The following ARHGEF7 variants were observed in gnomAD, a reference collection of about 807,000 sequenced individuals.
The protein encoded by ARHGEF7 is PAK-interacting exchange factor beta.
Under a neutral mutation model 109.8 loss-of-function variants are expected in ARHGEF7, and 33 were observed. The observed-to-expected ratio is 0.30, with a 90% CI of 0.23 to 0.40. The LOEUF is 0.40. ARHGEF7 is among the 10% of genes least tolerant of loss of function. The probability of loss-of-function intolerance (pLI) is 1.00; values close to 1 mark genes in which losing one functional copy is unlikely to be tolerated. For synonymous variants in ARHGEF7, 458 were observed against 424.6 expected, an observed-to-expected ratio of 1.08 and a Z score of -0.97; for missense variants, 938 against 1,098.5, an observed-to-expected ratio of 0.85 and a Z score of 2.07.
At position 111,244,225 on chromosome 13, in the gene ARHGEF7, T is replaced by G; in HGVS notation, c.881T>G (p.Leu294Ter). Residue 294 changes from leucine (L) to a stop codon, truncating the protein, a stop_gained, in exon 8 of 22, where the codon TTA becomes TGA. Transcript: ENST00000646102. LOFTEE classifies it high-confidence loss of function. ...EKLSSANISY[L>*]MGNLEEICSF... ...TTAAGTTCAGCAAACATTTCATATTTAATGGGAAATCTAGAAGAAATATGT... is the reference window on the plus strand; with the variant it reads ...TTAAGTTCAGCAAACATTTCATATTGAATGGGAAATCTAGAAGAAATATGT... 1 of 1,609,122 alleles carries G rather than the reference T, an allele frequency of 6.2e-7. No homozygotes were observed.
rs73622165 is a variant in ARHGEF7 at position 111,273,363 on chromosome 13, C to G, written c.1074-451C>G. Among the ~76,000 whole-genome samples the G allele has an allele frequency of 9.2e-3, 1,399 of 152,364 alleles. 21 individuals are homozygous for G. Among genetic ancestry groups the G allele is most frequent in the African/African-American group, 0.032 (1,339 of 41,592 alleles). On this transcript the variant is annotated intron_variant, in intron 9 of 21. Transcript: ENST00000646102. This position sits in a 1 kb window ranked among gnomAD's most constrained non-coding sequence, Gnocchi z 4.5. ...GCAGCACATAGGTGGGGCCTGCTCGCTGGACGAACTCGCATCTGGGGATGA... is the reference window on the plus strand; with the variant it reads ...GCAGCACATAGGTGGGGCCTGCTCGGTGGACGAACTCGCATCTGGGGATGA...
intron 8 of ARHGEF7, among the ~76,000 whole-genome samples, chr13:111,246,166 G>A (rs2088810507): frequency 6.6e-6 from 1 of 152,212 alleles, no homozygotes; most frequent in African/African-American, 2.4e-5. Context: ...TAGAACAGTA[G>A]TGCACATGGA....
At chr13:111,294,248 C>T (rs1238011255) in intron 19 of ARHGEF7, 8 of 985,242 alleles carry the variant, frequency 8.1e-6, no homozygotes, top group African/African-American at 5.2e-5. Flanking sequence ...GTATTACATA[C>T]GGTAGTCCTC....
chr13:111,287,327 C>T (rs2093062189), intron 17 of ARHGEF7, among the ~76,000 whole-genome samples: 2 of 152,212 alleles, frequency 1.3e-5, no homozygotes, highest in South Asian at 4.1e-4. Flanking sequence ...GCCGGGGCTT[C>T]TCTCTGAGAG....
At chr13:111,226,713 A>G (rs1454058468) in intron 5 of ARHGEF7, among the ~76,000 whole-genome samples, 1 of 152,264 alleles carries the variant, frequency 6.6e-6, no homozygotes, top group African/African-American at 2.4e-5. Context: ...CTAACACAGC[A>G]TCCATACTGC....
intron 19 of ARHGEF7, among the ~76,000 whole-genome samples, chr13:111,298,751 CCT>C (rs1381564719): frequency 1.3e-5 from 2 of 152,190 alleles, no homozygotes; most frequent in Non-Finnish European, 2.9e-5. Context: ...GGAGCTGGGC[CCT>C]CTCCTTCACT....
chr13:111,197,088 T>G (rs1223311710), intron 2 of ARHGEF7, among the ~76,000 whole-genome samples: 1 of 152,214 alleles, frequency 6.6e-6, no homozygotes, highest in African/African-American at 2.4e-5. Flanking sequence ...AGTTTTGGTT[T>G]GTTTTTCTCC....
At position 111,217,740 on chromosome 13, in the gene ARHGEF7, C is replaced by T. The variant is rs760038830; in HGVS notation, c.530C>T (p.Thr177Ile). 6.2e-7 allele frequency: 1 copy of T among 1,614,218 alleles called. No homozygotes were observed. The highest frequency in any genetic ancestry group is 8.5e-7 in the Non-Finnish European group (1 of 1,180,048). ...VVRAKFNFQQ[T>I]NEDELSFSKG... Reference sequence around the variant, plus strand: ...AGAGCAAAGTTTAACTTCCAGCAGACCAATGAGGACGAGCTTTCCTTCTCA... The same window carrying T: ...AGAGCAAAGTTTAACTTCCAGCAGATCAATGAGGACGAGCTTTCCTTCTCA... The change falls in exon 5 of 22, where the codon ACC (threonine) becomes ATC (isoleucine). Residue 177 changes from threonine (T) to isoleucine (I), a missense_variant. By Grantham distance (89) the Thr-to-Ile change is moderately conservative. Around this residue, in one of 4 missense-constraint regions of ARHGEF7, gnomAD observed 585 missense variants for 723.6 expected, o/e 0.81. Coordinates refer to ENST00000646102, the MANE Select transcript of ARHGEF7 (RefSeq NM_001354046.2).
chr13:111,212,196 T>C (rs1200516320), intron 4 of ARHGEF7, among the ~76,000 whole-genome samples: 1 of 152,200 alleles, frequency 6.6e-6, no homozygotes, highest in East Asian at 1.9e-4. Context: ...TGATGTTGCG[T>C]TTACTGCTTT....
intron 2 of ARHGEF7, among the ~76,000 whole-genome samples, chr13:111,203,801 A>G (rs1286779953): frequency 6.6e-6 from 1 of 152,246 alleles, no homozygotes; most frequent in Admixed American, 6.5e-5. Context: ...TGAATTTTGA[A>G]TAATACAGCA....
intron 1 of ARHGEF7, among the ~76,000 whole-genome samples, chr13:111,141,086 C>T (rs1309611505): frequency 6.6e-6 from 1 of 152,096 alleles, no homozygotes; most frequent in Admixed American, 6.6e-5. Context: ...CACCCACTTT[C>T]CCCCATTATT....
In ARHGEF7 at chr13:111,221,365, CTATATA is replaced by C. The variant is rs1226254381; in HGVS notation, c.670+3491_670+3496del. On this transcript the variant is annotated intron_variant, in intron 5 of 21. Coordinates refer to ENST00000646102, the MANE Select transcript of ARHGEF7 (RefSeq NM_001354046.2). ...TCTATATATATGTCTATATATATATCTATATATATATCTATATATATAGATGTCTAT... is the reference window on the plus strand; with the variant it reads ...TCTATATATATGTCTATATATATATCTATATCTATATATATAGATGTCTAT... 2.8e-3 allele frequency among the ~76,000 whole-genome samples: 33 copies of C among 11,914 alleles called. 3 individuals are homozygous for C. The highest frequency in any genetic ancestry group is 4.3e-3 in the Non-Finnish European group (23 of 5,352). 7.8% of individuals were successfully genotyped at this position (11,914 alleles called of 152,430 possible).
intron 6 of ARHGEF7, among the ~76,000 whole-genome samples, chr13:111,240,778 T>C (rs540230592): frequency 7.9e-5 from 12 of 152,320 alleles, no homozygotes; most frequent in East Asian, 5.8e-4. Flanking sequence ...CTTGGACTTA[T>C]ACATTAGGAT....
At chr13:111,119,913 C>T (rs553334625) in intron 1 of ARHGEF7, among the ~76,000 whole-genome samples, 1 of 152,244 alleles carries the variant, frequency 6.6e-6, no homozygotes, top group South Asian at 2.1e-4. Flanking sequence ...AAGGTTCTCA[C>T]TCAGGCCCGT....
At chr13:111,234,099 T>C (rs2086467547) in intron 6 of ARHGEF7, among the ~76,000 whole-genome samples, 2 of 152,224 alleles carry the variant, frequency 1.3e-5, no homozygotes, top group Non-Finnish European at 2.9e-5. Flanking sequence ...CTTCCCCTAC[T>C]CCCAATCTTC....
chr13:111,244,823 C>T (rs1190096745), intron 8 of ARHGEF7, among the ~76,000 whole-genome samples: 1 of 152,184 alleles, frequency 6.6e-6, no homozygotes, highest in East Asian at 1.9e-4. Flanking sequence ...CAAGACCATT[C>T]CAGTCAACAC....
intron 17 of ARHGEF7, among the ~76,000 whole-genome samples, chr13:111,286,495 C>T (rs966365375): frequency 2.6e-5 from 4 of 152,194 alleles, no homozygotes; most frequent in African/African-American, 7.2e-5. Flanking sequence ...CATCCAGGAG[C>T]TGGGGCCGGA....
chr13:111,162,074 A>G (rs1266953315), intron 2 of ARHGEF7, among the ~76,000 whole-genome samples: 1 of 152,194 alleles, frequency 6.6e-6, no homozygotes, highest in African/African-American at 2.4e-5. Flanking sequence ...GGGGCTTTCA[A>G]AGGCTTTGAA....
intron 2 of ARHGEF7, chr13:111,185,005 T>C (rs866719224): frequency 2.0e-5 from 3 of 152,120 alleles, no homozygotes; most frequent in African/African-American, 7.2e-5. Context: ...CTGGGTAGAA[T>C]TGTCATTTTT....
Sources: gnomAD v4.1 joint callset for allele counts (sites outside exome capture counted in the v4.1 genomes callset) on GRCh38, gnomAD v4.1.1 for gene constraint, gnomAD v4.1.1 regional missense constraint, Gnocchi (gnomAD v3.1) non-coding constraint, MANE v1.5 for transcripts, NCBI Gene and HGNC (gene_info 2026-07-23, HGNC 2026-07-21) for gene names.